NTM: variants seen among roughly 807,000 people sequenced by gnomAD.
NTM encodes the protein neurotrimin.
Under a neutral mutation model 42.1 loss-of-function variants are expected in NTM, and 13 were observed. That is an observed-to-expected ratio of 0.31 (90% CI 0.20 to 0.49). The LOEUF is 0.49. NTM is among the 20% of genes least tolerant of loss of function. NTM has a pLI of 0.99. For synonymous variants in NTM, 187 were observed against 179.2 expected, an observed-to-expected ratio of 1.04 and a Z score of -0.35; for missense variants, 373 against 452.8, an observed-to-expected ratio of 0.82 and a Z score of 1.60.
At chr11:132,316,234 T>C (rs2095426630) in intron 7 of NTM, among the ~76,000 whole-genome samples, 1 of 151,888 alleles carries the variant, frequency 6.6e-6, no homozygotes, top group African/African-American at 2.4e-5. Flanking sequence ...CATCTCAGGA[T>C]GAGAATAGGG....
chr11:132,274,673 G>A (rs1429341809), intron 4 of NTM, among the ~76,000 whole-genome samples: 1 of 152,090 alleles, frequency 6.6e-6, no homozygotes, highest in Admixed American at 6.5e-5. Flanking sequence ...ATTGGAACTT[G>A]CTTTATAGCC....
intron 4 of NTM, among the ~76,000 whole-genome samples, chr11:132,275,296 T>A (rs184658594): frequency 5.3e-5 from 8 of 152,172 alleles, no homozygotes; most frequent in African/African-American, 1.9e-4. Context: ...GAAGGGACTA[T>A]CTTTTTAACA....
chr11:131,932,706 A>G (rs1464511434), intron 2 of NTM, among the ~76,000 whole-genome samples: 1 of 152,212 alleles, frequency 6.6e-6, no homozygotes, highest in East Asian at 1.9e-4. Flanking sequence ...GGCGTTGGTC[A>G]TCAGTATGTG....
rs537472873 is a variant in NTM at position 131,450,043 on chromosome 11, G to T, written c.82+79155G>T. On this transcript the variant is annotated intron_variant, in intron 1 of 8. Coordinates refer to ENST00000683400, the MANE Select transcript of NTM (RefSeq NM_001352005.2). ...CCTCCATGAAACTGCTGCTGTAAGTGCCACAGCTGGAGTTATAACGATTTC... is the reference window on the plus strand; with the variant it reads ...CCTCCATGAAACTGCTGCTGTAAGTTCCACAGCTGGAGTTATAACGATTTC... 3.3e-5 allele frequency among the ~76,000 whole-genome samples: 5 copies of T among 152,318 alleles called. No homozygotes were observed. In the East Asian group the frequency reaches 7.7e-4, roughly 24 times the overall value.
chr11:132,330,984 A>G (rs1261880671), intron 8 of NTM, among the ~76,000 whole-genome samples: 1 of 152,146 alleles, frequency 6.6e-6, no homozygotes, highest in Admixed American at 6.5e-5. Flanking sequence ...TCTTCATCTC[A>G]TCTCATGGAA....
chr11:132,153,333 T>C (rs1311491662), intron 3 of NTM, among the ~76,000 whole-genome samples: 1 of 152,182 alleles, frequency 6.6e-6, no homozygotes. Flanking sequence ...GCCTTTAGAC[T>C]CCCATTCCCA....
At position 132,002,947 on chromosome 11, in the gene NTM, C is replaced by G. The variant is rs989730656; in HGVS notation, c.167+91299C>G. On this transcript the variant is annotated intron_variant, in intron 2 of 8. Transcript: ENST00000683400. The surrounding 1 kb of genome is among the most constrained non-coding windows in gnomAD (Gnocchi z 4.5). ...GAAATTACTATTAAAAAAGAGGAAACAGGAAAAACCTTTGTCTTCAAGAAG... is the reference window on the plus strand; with the variant it reads ...GAAATTACTATTAAAAAAGAGGAAAGAGGAAAAACCTTTGTCTTCAAGAAG... Among the ~76,000 whole-genome samples, 1 of 150,322 alleles carries G rather than the reference C, an allele frequency of 6.7e-6. No homozygotes were observed. The highest frequency in any genetic ancestry group is 2.5e-5 in the African/African-American group (1 of 39,714).
chr11:131,877,218 G>A (rs1054129340), intron 1 of NTM, among the ~76,000 whole-genome samples: 8 of 152,140 alleles, frequency 5.3e-5, no homozygotes, highest in African/African-American at 1.9e-4. Flanking sequence ...CCAGCTCCCT[G>A]ATCTGCAGCA....
intron 3 of NTM, among the ~76,000 whole-genome samples, chr11:132,158,206 CCCTTTT>C: frequency 6.6e-6 from 1 of 152,348 alleles, no homozygotes; most frequent in South Asian, 2.1e-4. Flanking sequence ...CACACACACT[CCCTTTT>C]CCTTACCCTG....
intron 1 of NTM, among the ~76,000 whole-genome samples, chr11:131,758,511 T>C (rs2083642392): frequency 6.6e-6 from 1 of 152,166 alleles, no homozygotes; most frequent in Non-Finnish European, 1.5e-5. Flanking sequence ...TTTGGTATAC[T>C]TACAGTTTTC....
At chr11:131,371,710 C>A (rs1206538110) in intron 1 of NTM, among the ~76,000 whole-genome samples, 3 of 152,184 alleles carry the variant, frequency 2.0e-5, no homozygotes, top group Non-Finnish European at 2.9e-5. Flanking sequence ...CCGTGCCTCC[C>A]CACACCCCAT....
intron 1 of NTM, among the ~76,000 whole-genome samples, chr11:131,827,886 A>C (rs1371669615): frequency 6.6e-6 from 1 of 152,142 alleles, no homozygotes; most frequent in African/African-American, 2.4e-5. Flanking sequence ...ATCAGGTACT[A>C]ATACCCTCCA....
chr11:131,394,212 T>C (rs899473827), intron 1 of NTM, among the ~76,000 whole-genome samples: 1 of 152,190 alleles, frequency 6.6e-6, no homozygotes, highest in Admixed American at 6.5e-5. Flanking sequence ...AGTCCCAGCT[T>C]GAAGCTTCTT....
At chr11:131,873,640 T>TATATATATACACAC (rs1196451208) in intron 1 of NTM, among the ~76,000 whole-genome samples, 1 of 121,412 alleles carries the variant, frequency 8.2e-6, no homozygotes, top group Admixed American at 8.7e-5. Context: ...TATATACACA[T>TATATATATACACAC]ATATATATAC....
chr11:132,290,728 A>G (rs758885371), intron 4 of NTM, among the ~76,000 whole-genome samples: 5 of 152,196 alleles, frequency 3.3e-5, no homozygotes, highest in Admixed American at 6.5e-5. Flanking sequence ...ATATAATGTA[A>G]TAAGTGTTAC....
intron 2 of NTM, among the ~76,000 whole-genome samples, chr11:132,004,605 TTC>T (rs71480226): frequency 0.48 from 69,570 of 143,832 alleles, 16,821 homozygotes; most frequent in East Asian, 0.9. Flanking sequence ...CTTTCTCTCT[TTC>T]TCTCTCTCTC....
At chr11:131,948,454 A>G (rs967445204) in intron 2 of NTM, among the ~76,000 whole-genome samples, 2 of 152,106 alleles carry the variant, frequency 1.3e-5, no homozygotes, top group African/African-American at 4.8e-5. Context: ...AACTGCCAAC[A>G]CTTAGCCCTT....
At chr11:131,911,440 C>T in intron 1 of NTM, 124 bp from the exon 2 acceptor site, 5 of 1,613,302 alleles carry the variant, frequency 3.1e-6, no homozygotes, top group Non-Finnish European at 2.5e-6. Context: ...GGGGCGTGTG[C>T]CGTGCGGCTG....
chr11:131,435,712 T>A (rs1197167852), intron 1 of NTM, among the ~76,000 whole-genome samples: 1 of 152,248 alleles, frequency 6.6e-6, no homozygotes, highest in African/African-American at 2.4e-5. Context: ...TTTCTAAATA[T>A]ACAATCATGT....
Sources: allele counts gnomAD v4.1 joint callset (sites outside exome capture counted in the v4.1 genomes callset), GRCh38; gene constraint gnomAD v4.1.1; non-coding constraint Gnocchi (gnomAD v3.1); transcripts MANE v1.5; gene names NCBI Gene and HGNC (gene_info 2026-07-23, HGNC 2026-07-21).